The following TASP1 variants were observed in gnomAD, a reference collection of about 807,000 sequenced individuals.
TASP1 encodes threonine aspartase 1.
In TASP1, 16 loss-of-function variants were observed where a neutral mutation model predicts 56.6. The ratio of observed to expected loss-of-function variants is 0.28; its 90% confidence interval spans 0.19 to 0.43. TASP1 has a LOEUF of 0.43. Ranked by LOEUF, TASP1 falls within the 20% of genes least tolerant of loss-of-function variation. The pLI is 1.00. For missense variants in TASP1, 393 were observed against 511.6 expected, an observed-to-expected ratio of 0.77 and a Z score of 2.24; for synonymous variants, 179 against 184.2, an observed-to-expected ratio of 0.97 and a Z score of 0.23.
the TASP1 span, chr20:13,164,878 C>T: frequency 6.2e-7 from 1 of 1,605,688 alleles, no homozygotes; most frequent in African/African-American, 1.3e-5. Flanking sequence ...GTTTCCTGGT[C>T]CTGAATGACA....
chr20:13,627,593 A>C (rs1199605359), intron 2 of TASP1, among the ~76,000 whole-genome samples: 1 of 152,118 alleles, frequency 6.6e-6, no homozygotes, highest in Non-Finnish European at 1.5e-5. Context: ...TCTACTAAAC[A>C]TACAAAAATT....
At chr20:13,246,469 T>A in the TASP1 span, among the ~76,000 whole-genome samples, 1 of 152,164 alleles carries the variant, frequency 6.6e-6, no homozygotes, top group Non-Finnish European at 1.5e-5. Context: ...AACTGTAGCT[T>A]ACTCCTCTGT....
the TASP1 span, among the ~76,000 whole-genome samples, chr20:13,292,082 A>G: frequency 6.6e-6 from 1 of 152,288 alleles, no homozygotes; most frequent in Admixed American, 6.5e-5. Context: ...CCATCCTGAC[A>G]TGTGTCCCCC....
chr20:13,371,348 T>C, the TASP1 span, among the ~76,000 whole-genome samples: 2 of 152,202 alleles, frequency 1.3e-5, no homozygotes, highest in African/African-American at 4.8e-5. Context: ...AGTTTTGGTA[T>C]GTTGTGTCTT....
At position 13,631,837 on chromosome 20, in the gene TASP1, G is replaced by A. The variant is rs1044349684; in HGVS notation, c.-74-1685C>T. On this transcript the variant is annotated intron_variant, in intron 1 of 13. Coordinates refer to ENST00000337743, the MANE Select transcript of TASP1 (RefSeq NM_017714.3). ...ATCTAGCACTTCGGGAGGCCAAGGCGGGTGGATCACAAGGTCAGGAGTTCA... is the reference window on the plus strand; with the variant it reads ...ATCTAGCACTTCGGGAGGCCAAGGCAGGTGGATCACAAGGTCAGGAGTTCA... Among the ~76,000 whole-genome samples the A allele has an allele frequency of 2.6e-5, 4 of 151,996 alleles. No individual in the cohort carries two copies. In the East Asian group the frequency reaches 7.8e-4, roughly 30 times the overall value.
the TASP1 span, chr20:13,110,213 T>C: frequency 1.2e-6 from 2 of 1,612,870 alleles, no homozygotes; most frequent in Non-Finnish European, 1.7e-6. Flanking sequence ...GGAGGGTGTC[T>C]ACAGGTATGT....
At chr20:13,425,782 G>A (rs1193355359) in intron 12 of TASP1, among the ~76,000 whole-genome samples, 1 of 152,020 alleles carries the variant, frequency 6.6e-6, no homozygotes, top group Admixed American at 6.5e-5. Context: ...GCCCCTGGTT[G>A]TTAGGGTCTT....
chr20:13,160,729 G>C, the TASP1 span, among the ~76,000 whole-genome samples: 2,798 of 152,306 alleles, frequency 0.018, 54 homozygotes, highest in South Asian at 0.03. Flanking sequence ...ACTATTGAGA[G>C]TCAACTATGT....
chr20:13,149,445 T>C, the TASP1 span, among the ~76,000 whole-genome samples: 1 of 152,262 alleles, frequency 6.6e-6, no homozygotes, highest in South Asian at 2.1e-4. Context: ...AGTAGCGTTT[T>C]ATAGGTACAA....
the TASP1 span, among the ~76,000 whole-genome samples, chr20:13,332,290 G>A: frequency 1.3e-5 from 2 of 152,024 alleles, no homozygotes; most frequent in Non-Finnish European, 2.9e-5. Context: ...AAAAGCAGGG[G>A]GTAAATGCCA....
At chr20:13,291,306 G>A in the TASP1 span, among the ~76,000 whole-genome samples, 1 of 152,104 alleles carries the variant, frequency 6.6e-6, no homozygotes, top group Non-Finnish European at 1.5e-5. Flanking sequence ...GAAGGATTTC[G>A]TTTTTAAGGA....
At chr20:13,378,933 A>C in the TASP1 span, among the ~76,000 whole-genome samples, 1 of 152,124 alleles carries the variant, frequency 6.6e-6, no homozygotes, top group African/African-American at 2.4e-5. Context: ...CTTGGTAAAT[A>C]TTCCTCCATC....
chr20:13,432,480 C>T (rs572817394), intron 12 of TASP1, among the ~76,000 whole-genome samples: 2 of 152,282 alleles, frequency 1.3e-5, no homozygotes, highest in South Asian at 2.1e-4. Context: ...TCCTTCTATA[C>T]TGTTTGAATT....
intron 8 of TASP1, among the ~76,000 whole-genome samples, chr20:13,553,136 G>T (rs1337825429): frequency 1.3e-5 from 2 of 152,108 alleles, no homozygotes; most frequent in Non-Finnish European, 2.9e-5. Context: ...GAGAGACAGG[G>T]TCTTGCTATG....
the TASP1 span, among the ~76,000 whole-genome samples, chr20:13,361,284 A>G: frequency 6.6e-6 from 1 of 152,180 alleles, no homozygotes; most frequent in Non-Finnish European, 1.5e-5. Context: ...AGGCCACCGC[A>G]GTCATTTCTT....
In TASP1 at chr20:13,406,131, T is replaced by TTA. The variant is rs149621289; in HGVS notation, c.1170+11316_1170+11317insTA. ...ACTGTAAGTCCTCTAACTCTGATCT[T>TTA]TTTTAAAGTTGATTTTTGCAGTTCT... On this transcript the variant is annotated intron_variant, in intron 13 of 13. Transcript: ENST00000337743. 2.7e-3 allele frequency among the ~76,000 whole-genome samples: 412 copies of TTA among 152,336 alleles called. 9 individuals are homozygous for TTA. The East Asian group carries it at 0.063, about 23-fold the overall frequency.
chr20:13,266,000 C>T, the TASP1 span, among the ~76,000 whole-genome samples: 2 of 152,174 alleles, frequency 1.3e-5, no homozygotes, highest in African/African-American at 2.4e-5. Flanking sequence ...CTTGTTTCCT[C>T]ATTTCAGGCA....
the TASP1 span, among the ~76,000 whole-genome samples, chr20:13,275,316 G>A: frequency 6.6e-6 from 1 of 152,120 alleles, no homozygotes; most frequent in Non-Finnish European, 1.5e-5. Context: ...GGTTACAGTT[G>A]TACGTGCTTC....
chr20:13,295,550 C>T, the TASP1 span, among the ~76,000 whole-genome samples: 98 of 152,304 alleles, frequency 6.4e-4, no homozygotes, highest in African/African-American at 2.3e-3. Context: ...GATGCTATTG[C>T]AGTCTGTGTC....
Sources: gnomAD v4.1 joint callset for allele counts (sites outside exome capture counted in the v4.1 genomes callset) on GRCh38, gnomAD v4.1.1 for gene constraint, MANE v1.5 for transcripts, NCBI Gene and HGNC (gene_info 2026-07-23, HGNC 2026-07-21) for gene names.